Variants in CSMD1 observed in about 807,000 individuals in gnomAD.
CSMD1 encodes CUB and sushi domain-containing protein 1.
CSMD1 carries 213 observed loss-of-function variants against 417.5 expected under a neutral mutation model. That is an observed-to-expected ratio of 0.51 (90% CI 0.46 to 0.57). CSMD1 has a LOEUF of 0.57. Ranked by LOEUF, CSMD1 falls within the 20% of genes least tolerant of loss-of-function variation. The pLI, the probability that CSMD1 is intolerant of heterozygous loss-of-function variation, is 0.00. For synonymous variants in CSMD1, 2,862 were observed against 1,736.8 expected (o/e 1.65, Z -16.11); for missense variants, 6,923 against 4,529.7 (o/e 1.53, Z -15.17).
intron 10 of CSMD1, among the ~76,000 whole-genome samples, chr8:3,531,328 A>C (rs559735081): frequency 6.6e-6 from 1 of 152,312 alleles, no homozygotes; most frequent in African/African-American, 2.4e-5. Flanking sequence ...CCTTTAACTA[A>C]AATCTTTTTT....
chr8:4,283,600 T>C (rs555611028), intron 3 of CSMD1, among the ~76,000 whole-genome samples: 130 of 152,306 alleles, frequency 8.5e-4, no homozygotes, highest in African/African-American at 3.1e-3. Flanking sequence ...GAAACCCAGG[T>C]CCTTGGGGAC....
At chr8:4,700,130 T>C (rs1348883706) in intron 1 of CSMD1, among the ~76,000 whole-genome samples, 1 of 152,182 alleles carries the variant, frequency 6.6e-6, no homozygotes, top group Non-Finnish European at 1.5e-5. Flanking sequence ...ACTTTTTGTT[T>C]AATTTTTATT....
At chr8:4,772,149 T>A (rs1796632421) in intron 1 of CSMD1, among the ~76,000 whole-genome samples, 1 of 151,944 alleles carries the variant, frequency 6.6e-6, no homozygotes, top group East Asian at 1.9e-4. Flanking sequence ...GTCAGTTCCT[T>A]GTGGTGGTAG....
chr8:4,522,395 C>T (rs150802153), intron 2 of CSMD1, among the ~76,000 whole-genome samples: 4 of 152,202 alleles, frequency 2.6e-5, no homozygotes, highest in East Asian at 1.9e-4. Flanking sequence ...AGCGTTAAAA[C>T]GGTATAATAT....
chr8:4,414,740 G>C (rs1796833682), intron 3 of CSMD1, among the ~76,000 whole-genome samples: 1 of 152,170 alleles, frequency 6.6e-6, no homozygotes, highest in Admixed American at 6.5e-5. Context: ...AGTTGTGGTT[G>C]AGTTCAGATT....
intron 30 of CSMD1, among the ~76,000 whole-genome samples, chr8:3,213,313 T>A (rs1156924845): frequency 6.6e-6 from 1 of 152,182 alleles, no homozygotes; most frequent in East Asian, 1.9e-4. Flanking sequence ...ATTCTTCTTC[T>A]TTTTTAAATA....
At chr8:4,116,832 A>G (rs1278340343) in intron 3 of CSMD1, among the ~76,000 whole-genome samples, 3 of 152,014 alleles carry the variant, frequency 2.0e-5, no homozygotes, top group African/African-American at 7.2e-5. Context: ...GTCTATTAAA[A>G]AAAAACAAAA....
At chr8:3,581,880 C>T (rs1263333911) in intron 9 of CSMD1, among the ~76,000 whole-genome samples, 1 of 152,120 alleles carries the variant, frequency 6.6e-6, no homozygotes, top group African/African-American at 2.4e-5. Context: ...TCTCTGCTTA[C>T]TGCAACCGCC....
At chr8:4,226,067 GAC>G (rs67767005) in intron 3 of CSMD1, among the ~76,000 whole-genome samples, 76,935 of 143,192 alleles carry the variant, frequency 0.54, 22,003 homozygotes, top group Non-Finnish European at 0.64. Context: ...CTGACAGGCG[GAC>G]ACACACACAC....
At chr8:4,082,121 T>G (rs2130816444) in intron 3 of CSMD1, among the ~76,000 whole-genome samples, 1 of 152,246 alleles carries the variant, frequency 6.6e-6, no homozygotes, top group African/African-American at 2.4e-5. Flanking sequence ...ATGTATTAAC[T>G]ACATTAGGAA....
At chr8:3,444,591 G>A (rs761545389) in intron 12 of CSMD1, among the ~76,000 whole-genome samples, 6 of 152,054 alleles carry the variant, frequency 3.9e-5, no homozygotes, top group African/African-American at 7.2e-5. Flanking sequence ...GTGGGTCAAG[G>A]CCAATGATGC....
At chr8:3,485,767 TAAAA>T (rs1817994269) in intron 11 of CSMD1, among the ~76,000 whole-genome samples, 2 of 5,776 alleles carry the variant, frequency 3.5e-4, no homozygotes, top group African/African-American at 1.6e-3. Flanking sequence ...CTCAAAAAAA[TAAAA>T]TAAAATAAAA....
intron 3 of CSMD1, among the ~76,000 whole-genome samples, chr8:4,149,543 A>C (rs934125409): frequency 1.3e-5 from 2 of 152,188 alleles, no homozygotes; most frequent in Non-Finnish European, 2.9e-5. Flanking sequence ...ACTAACCAAA[A>C]ATATTTAATT....
chr8:4,414,974 A>C (rs2128936766), intron 3 of CSMD1, among the ~76,000 whole-genome samples: 1 of 152,268 alleles, frequency 6.6e-6, no homozygotes, highest in South Asian at 2.1e-4. Context: ...TATAACTATC[A>C]CTTAAAAGCC....
chr8:4,552,275 G>A (rs1313400150), intron 2 of CSMD1, among the ~76,000 whole-genome samples: 4 of 151,982 alleles, frequency 2.6e-5, no homozygotes, highest in Non-Finnish European at 5.9e-5. Flanking sequence ...GCTTCAGAAG[G>A]ACCTGGGAAA....
chr8:3,706,621 G>A (rs1056560589), intron 7 of CSMD1, among the ~76,000 whole-genome samples: 26 of 152,154 alleles, frequency 1.7e-4, no homozygotes, highest in African/African-American at 6.0e-4. Flanking sequence ...AAAAAGCTCT[G>A]CCTCAATCTT....
At chr8:3,864,275 C>G (rs769113868) in intron 5 of CSMD1, among the ~76,000 whole-genome samples, 1 of 152,090 alleles carries the variant, frequency 6.6e-6, no homozygotes, top group Non-Finnish European at 1.5e-5. Context: ...AATCATAACT[C>G]AATAATTTGG....
chr8:3,636,497 G>A (rs929666846), intron 7 of CSMD1, among the ~76,000 whole-genome samples: 4 of 152,250 alleles, frequency 2.6e-5, no homozygotes, highest in Middle Eastern at 3.4e-3. Flanking sequence ...AAATCTTTAG[G>A]AGTCTATCTA....
intron 6 of CSMD1, among the ~76,000 whole-genome samples, chr8:3,717,636 C>T (rs1050966133): frequency 7.2e-5 from 11 of 151,928 alleles, no homozygotes; most frequent in African/African-American, 2.2e-4. Context: ...ACTGTTAGAA[C>T]GTTTATGTAT....
Sources: gnomAD v4.1 joint callset for allele counts (sites outside exome capture counted in the v4.1 genomes callset) on GRCh38, gnomAD v4.1.1 for gene constraint, MANE v1.5 for transcripts, NCBI Gene and HGNC (gene_info 2026-07-23, HGNC 2026-07-21) for gene names.